NRN1: variants seen among roughly 807,000 people sequenced by gnomAD.
NRN1 encodes neuritin.
A neutral mutation model predicts 15.0 loss-of-function variants in NRN1; 4 were observed. The observed-to-expected ratio is 0.27, with a 90% CI of 0.13 to 0.61. The LOEUF (loss-of-function observed/expected upper bound fraction) is 0.61, where lower values mean the gene tolerates loss of function less well. Ranked by LOEUF, NRN1 falls within the 20% of genes least tolerant of loss-of-function variation. NRN1 has a pLI of 0.87. For missense variants in NRN1, 134 were observed against 181.9 expected (o/e 0.74, Z 1.51); for synonymous variants, 85 against 79.8 (o/e 1.07, Z -0.35).
Position 5,999,213 on chromosome 6 carries a change from G to GAACAGAACAA in NRN1, c.201-19_201-10dup. Reference sequence around the variant, plus strand: ...GGAAATCCTCCCAGTATCTGGTGAGGAACAGAACAAAACAGAACAAGCAGG... The same window carrying GAACAGAACAA: ...GGAAATCCTCCCAGTATCTGGTGAGGAACAGAACAAAACAGAACAAAACAGAACAAGCAGG... On this transcript the variant is annotated splice_polypyrimidine_tract_variant and intron_variant, in intron 2 of 2. Coordinates refer to ENST00000244766, the MANE Select transcript of NRN1 (RefSeq NM_016588.3). 6.2e-7 allele frequency: 1 copy of GAACAGAACAA among 1,608,810 alleles called. No individual in the cohort carries two copies. The highest frequency in any genetic ancestry group is 8.5e-7 in the Non-Finnish European group (1 of 1,176,214).
intron 2 of NRN1, 102 bp from the exon 3 acceptor site, chr6:5,999,306 C>T: frequency 2.0e-6 from 2 of 978,584 alleles, no homozygotes. Context: ...GCCCCGCCAA[C>T]TTCCCGGGGT....
chr6:6,004,146 G>T, intron 1 of NRN1: 1 of 585,144 alleles, frequency 1.7e-6, no homozygotes, highest in Non-Finnish European at 2.2e-6. Flanking sequence ...AAGGGACCGA[G>T]GTTAACTTCG....
intron 1 of NRN1, among the ~76,000 whole-genome samples, 176 bp from the exon 2 acceptor site, chr6:6,002,673 C>T (rs1757986487): frequency 6.6e-6 from 1 of 152,278 alleles, no homozygotes; most frequent in Non-Finnish European, 1.5e-5. Flanking sequence ...CCCAGGAATG[C>T]CCGACCTGCA....
intron 2 of NRN1, 82 bp downstream of exon 2, chr6:6,002,271 G>A: frequency 4.6e-6 from 7 of 1,527,282 alleles, no homozygotes; most frequent in Non-Finnish European, 6.3e-6. Flanking sequence ...TGAACGCTGA[G>A]CGCAGGCGGG....
At chr6:6,000,760 G>T (rs1757923767) in intron 2 of NRN1, among the ~76,000 whole-genome samples, 1 of 71,686 alleles carries the variant, frequency 1.4e-5, no homozygotes, top group Non-Finnish European at 2.7e-5. Flanking sequence ...TGTACGCCCA[G>T]ATGAGGGCAG....
intron 1 of NRN1, chr6:6,002,712 G>C (rs1432954312): frequency 3.1e-6 from 2 of 647,092 alleles, no homozygotes; most frequent in East Asian, 5.6e-5. Context: ...GCAAATTGTC[G>C]GTGTGTGAGC....
intron 1 of NRN1, chr6:6,002,707 T>C (rs1757987832): frequency 6.0e-6 from 4 of 666,880 alleles, no homozygotes; most frequent in Admixed American, 5.8e-5. Context: ...CTAGTGCAAA[T>C]TGTCGGTGTG....
chr6:6,000,790 GAGA>G (rs1757925171), intron 2 of NRN1, among the ~76,000 whole-genome samples: 1 of 139,192 alleles, frequency 7.2e-6, no homozygotes, highest in South Asian at 2.4e-4. Flanking sequence ...GGACCTGGTA[GAGA>G]AGGATAGACT....
At position 6,002,495 on chromosome 6, in the gene NRN1, A is replaced by T; in HGVS notation, c.58T>A (p.Tyr20Asn). The T allele has an allele frequency of 2.5e-6, 4 of 1,613,362 alleles. No homozygotes were observed. Among genetic ancestry groups the T allele is most frequent in the Non-Finnish European group, 3.4e-6 (4 of 1,179,648 alleles). The part of the protein sequence containing the change: ...ISLILAVQIA[Y>N]LVQAVRAAGK... ...GCTGCTCTCACGGCCTGCACCAGAT[A>T]CGCTGCGGGGAGGAGGGAACACCGG... The change falls in exon 2 of 3, where the codon TAT becomes AAT. Residue 20 changes from tyrosine to asparagine, a missense_variant and splice_region_variant. By Grantham distance (143) the Tyr-to-Asn change is moderately radical. Transcript: ENST00000244766.
chr6:6,002,217 G>A, intron 2 of NRN1, 136 bp downstream of exon 2: 1 of 1,158,428 alleles, frequency 8.6e-7, no homozygotes, highest in South Asian at 1.4e-5. Context: ...CTGGGGGTTG[G>A]AGCCAGAAGG....
intron 1 of NRN1, among the ~76,000 whole-genome samples, chr6:6,006,102 G>A (rs1277816349): frequency 6.6e-6 from 1 of 152,164 alleles, no homozygotes. Flanking sequence ...TCAATGGTAA[G>A]CATGTTAAAA....
chr6:6,004,282 G>C (rs939705421), intron 1 of NRN1, among the ~76,000 whole-genome samples: 2 of 152,112 alleles, frequency 1.3e-5, no homozygotes, highest in Admixed American at 1.3e-4. Context: ...AAGAATAAAC[G>C]AATCTTTGTT....
chr6:6,002,518 C>G (rs777177068), intron 1 of NRN1, 21 bp from the exon 2 acceptor site: 1 of 1,604,692 alleles, frequency 6.2e-7, no homozygotes, highest in South Asian at 1.1e-5. Context: ...GAGGGAACAC[C>G]GGTCAGCAGC....
In NRN1 at chr6:5,998,931, A is replaced by G. The variant is rs1019264183; in HGVS notation, c.*45T>C. On this transcript the variant is annotated 3_prime_UTR_variant, in exon 3 of 3. Transcript: ENST00000244766. The stretch of plus-strand genomic sequence containing the variant: ...GATCTTCCTCTCGATTTCCGGGAGC[A>G]TGGAGTGAGTGTGGGTGGGCGCGCG... 2 of 1,387,104 alleles carry G rather than the reference A, an allele frequency of 1.4e-6. No homozygotes were observed. Among genetic ancestry groups the G allele is most frequent in the Non-Finnish European group, 2.0e-6 (2 of 988,660 alleles). The allele number at this position is 1,387,104 out of a possible 1,614,324, so 85.9% of individuals were successfully genotyped here. A position where few individuals can be genotyped will look rare whatever the true frequency, so the allele number is the denominator to read the frequency against.
At chr6:6,003,975 G>A (rs1036863702) in intron 1 of NRN1, 2 of 1,220,926 alleles carry the variant, frequency 1.6e-6, no homozygotes, top group Non-Finnish European at 2.0e-6. Context: ...TCAATCCCCC[G>A]GCCCCCAACG....
chr6:6,004,978 G>A (rs913105459), intron 1 of NRN1, among the ~76,000 whole-genome samples: 8 of 145,746 alleles, frequency 5.5e-5, no homozygotes, highest in African/African-American at 2.0e-4. Context: ...GCTCCCAGCC[G>A]TGAATTAATA....
rs913639614 is a variant in NRN1, at chr6:6,003,764, G to C, written c.56-1267C>G. 2.5e-5 allele frequency: 31 copies of C among 1,234,112 alleles called. No individual in the cohort carries two copies. In the African/African-American group the frequency reaches 4.2e-4, roughly 17 times the overall value. The allele number at this position is 1,234,112 out of a possible 1,614,324, so 76.4% of individuals were successfully genotyped here. A position where few individuals can be genotyped will look rare whatever the true frequency, so the allele number is the denominator to read the frequency against. On this transcript the variant is annotated intron_variant, in intron 1 of 2. Transcript: ENST00000244766. Reference sequence around the variant, plus strand: ...GCCCTGAGGCCGACGAACCCGGCTGGAAGCTGAGTGCCTAGCGGCCCAAAG... The same window carrying C: ...GCCCTGAGGCCGACGAACCCGGCTGCAAGCTGAGTGCCTAGCGGCCCAAAG...
intron 1 of NRN1, chr6:6,003,717 G>C (rs1758030345): frequency 8.1e-7 from 1 of 1,234,224 alleles, no homozygotes; most frequent in South Asian, 4.1e-5. Flanking sequence ...CTGCGGGCGC[G>C]CGGCTGTGGC....
At chr6:6,007,076 T>A (rs999025154), upstream of NRN1, 21 of 329,828 alleles carry the variant, frequency 6.4e-5, no homozygotes, top group African/African-American at 1.9e-4. Context: ...ATTTTTTTTT[T>A]AATATAGACA....
Sources: gnomAD v4.1 joint callset for allele counts (sites outside exome capture counted in the v4.1 genomes callset) on GRCh38, gnomAD v4.1.1 for gene constraint, MANE v1.5 for transcripts, NCBI Gene and HGNC (gene_info 2026-07-23, HGNC 2026-07-21) for gene names.